Variants in CCDC170 observed in about 807,000 individuals in gnomAD.
CCDC170 encodes the protein coiled-coil domain containing 170.
A neutral mutation model predicts 72.6 loss-of-function variants in CCDC170; 69 were observed. The ratio of observed to expected loss-of-function variants is 0.95; its 90% CI spans 0.78 to 1.16. The LOEUF (loss-of-function observed/expected upper bound fraction) is 1.16. CCDC170 is among the 50% of genes most tolerant of loss of function. The pLI is 0.00. For synonymous variants in CCDC170, 300 were observed against 303.9 expected, an observed-to-expected ratio of 0.99 and a Z score of 0.13; for missense variants, 852 against 832.5, an observed-to-expected ratio of 1.02 and a Z score of -0.29.
At chr6:151,533,561 G>A (rs1782527700) in intron 1 of CCDC170, among the ~76,000 whole-genome samples, 1 of 151,806 alleles carries the variant, frequency 6.6e-6, no homozygotes, top group African/African-American at 2.4e-5. Context: ...CAGCTATTCG[G>A]GAGGCTGAGG....
chr6:151,600,183 C>G (rs528857784), intron 9 of CCDC170, among the ~76,000 whole-genome samples: 2 of 152,258 alleles, frequency 1.3e-5, no homozygotes, highest in East Asian at 1.9e-4. Context: ...TGATACAAAT[C>G]CAAAATATCA....
At chr6:151,543,450 G>A (rs550485316) in intron 3 of CCDC170, among the ~76,000 whole-genome samples, 1 of 151,964 alleles carries the variant, frequency 6.6e-6, no homozygotes, top group East Asian at 1.9e-4. Flanking sequence ...CTTTTTTTGT[G>A]TGTGAACATT....
chr6:151,548,289 T>C lies in CCDC170; in HGVS notation c.589-15T>C, dbSNP rs1046098357. On this transcript the variant is annotated splice_polypyrimidine_tract_variant and intron_variant, in intron 4 of 10. Coordinates refer to ENST00000239374, the MANE Select transcript of CCDC170 (RefSeq NM_025059.4). ...GTTAATTTTTATAGGACAGCTGTAA[T>C]TGCTTTCTCTTCAGCTTAGAGACCT... is the stretch of plus-strand genomic sequence containing the variant. The C allele has an allele frequency of 1.9e-5, 29 of 1,528,894 alleles. No homozygotes were observed. Among genetic ancestry groups the C allele is most frequent in the Non-Finnish European group, 2.5e-5 (28 of 1,134,130 alleles). The allele number at this position is 1,528,894 out of a possible 1,614,324, so 94.7% of individuals were successfully genotyped here.
Position 151,585,892 on chromosome 6 carries a change from G to A in CCDC170, c.1096G>A (p.Val366Ile), listed in dbSNP as rs41290243. ...TGATCTGTTTCTTTGTTTCCAGATG[G>A]TCTCCCAGCTTGAAGCCCAAATATC... ...DSREESRDRM[V>I]SQLEAQISEL... The change falls in exon 7 of 11, where the codon GTC becomes ATC. Residue 366 changes from valine (V) to isoleucine (I), a missense_variant. Physicochemically the swap from Val to Ile is conservative, Grantham distance 29. Transcript: ENST00000239374. The A allele has an allele frequency of 0.029, 47,316 of 1,612,896 alleles. 834 individuals are homozygous for A. The highest frequency in any genetic ancestry group is 0.035 in the Non-Finnish European group (41,136 of 1,179,354).
intron 4 of CCDC170, among the ~76,000 whole-genome samples, chr6:151,545,956 T>A (rs569110607): frequency 6.6e-6 from 1 of 152,124 alleles, no homozygotes; most frequent in Admixed American, 6.5e-5. Context: ...TTTTTTTTTT[T>A]AAATGGAGAT....
In CCDC170 at chr6:151,595,562, T is replaced by A. The variant is rs567064891; in HGVS notation, c.1468-773T>A. On this transcript the variant is annotated intron_variant, in intron 8 of 10. Transcript: ENST00000239374. ...CAGGTGTGGTGGCTTACACCTGTAA[T>A]CCCAGCACTTTTGGAGGCTGAGGCA... 2.4e-3 allele frequency among the ~76,000 whole-genome samples: 365 copies of A among 152,276 alleles called. 4 individuals are homozygous for A. Among genetic ancestry groups the A allele is most frequent in the African/African-American group, 8.6e-3 (356 of 41,566 alleles).
intron 1 of CCDC170, among the ~76,000 whole-genome samples, chr6:151,495,176 C>T (rs1257225815): frequency 6.6e-6 from 1 of 152,188 alleles, no homozygotes; most frequent in African/African-American, 2.4e-5. Flanking sequence ...TGTTGTTTTA[C>T]ATCTGACCTG....
chr6:151,508,024 C>T (rs1243803652), intron 1 of CCDC170, among the ~76,000 whole-genome samples: 1 of 152,102 alleles, frequency 6.6e-6, no homozygotes, highest in African/African-American at 2.4e-5. Context: ...AAGTTGTTTG[C>T]TCCTCTTCCT....
intron 1 of CCDC170, among the ~76,000 whole-genome samples, chr6:151,524,543 A>G (rs979549236): frequency 3.9e-5 from 6 of 152,198 alleles, no homozygotes; most frequent in Non-Finnish European, 8.8e-5. Context: ...CTTTTAAAAC[A>G]TGCTTCCAGT....
intron 1 of CCDC170, among the ~76,000 whole-genome samples, chr6:151,533,052 C>CTTTTTTTTT (rs58383930): frequency 8.5e-6 from 1 of 118,042 alleles, no homozygotes; most frequent in Non-Finnish European, 1.8e-5. Flanking sequence ...GACTATTTCT[C>CTTTTTTTTT]TTTTTTTTTT....
chr6:151,581,389 C>T (rs80118812), intron 6 of CCDC170, among the ~76,000 whole-genome samples: 3,756 of 152,262 alleles, frequency 0.025, 77 homozygotes, highest in Non-Finnish European at 0.04. Context: ...ATTTTCTTTG[C>T]TCATCCATGA....
At chr6:151,560,631 T>C (rs1294374173) in intron 5 of CCDC170, among the ~76,000 whole-genome samples, 1 of 152,182 alleles carries the variant, frequency 6.6e-6, no homozygotes, top group Admixed American at 6.5e-5. Context: ...ATTTTATAAA[T>C]CTGGGTGCTC....
chr6:151,519,364 C>T (rs896618151), intron 1 of CCDC170, among the ~76,000 whole-genome samples: 12 of 152,282 alleles, frequency 7.9e-5, no homozygotes, highest in Middle Eastern at 3.4e-3. Flanking sequence ...TGCCCGACCC[C>T]GCAGGCAGTC....
intron 5 of CCDC170, among the ~76,000 whole-genome samples, chr6:151,561,815 G>A (rs1278318106): frequency 6.6e-6 from 1 of 152,012 alleles, no homozygotes; most frequent in Non-Finnish European, 1.5e-5. Flanking sequence ...TTTCCAAATT[G>A]TATACTACTT....
chr6:151,539,790 C>T (rs759840311), intron 3 of CCDC170, among the ~76,000 whole-genome samples: 4 of 152,166 alleles, frequency 2.6e-5, no homozygotes, highest in Admixed American at 6.5e-5. Context: ...GTGTCCAAAA[C>T]GGAGCTCCCA....
intron 3 of CCDC170, among the ~76,000 whole-genome samples, chr6:151,539,483 G>GT (rs1252264549): frequency 6.6e-6 from 1 of 152,074 alleles, no homozygotes; most frequent in East Asian, 1.9e-4. Context: ...ACATGCCTAG[G>GT]TTTTTTCTTT....
intron 5 of CCDC170, among the ~76,000 whole-genome samples, chr6:151,559,291 C>CAT (rs945739333): frequency 1.3e-5 from 2 of 152,148 alleles, no homozygotes; most frequent in African/African-American, 4.8e-5. Context: ...AGATTACAGG[C>CAT]ATAAGCCACT....
intron 9 of CCDC170, among the ~76,000 whole-genome samples, chr6:151,613,432 G>A (rs1776906941): frequency 6.6e-6 from 1 of 152,142 alleles, no homozygotes; most frequent in African/African-American, 2.4e-5. Context: ...GTGATTTTTA[G>A]TATATGCACA....
In CCDC170 at chr6:151,497,821, C is replaced by T. The variant is rs148467875; in HGVS notation, c.57+3636C>T. ...TAAAACCCCGTCTGTACTAAAAATACAAAAAGTAGCCAGGCTTGGTGGCAG... is the reference window on the plus strand; with the variant it reads ...TAAAACCCCGTCTGTACTAAAAATATAAAAAGTAGCCAGGCTTGGTGGCAG... On this transcript the variant is annotated intron_variant, in intron 1 of 10. Coordinates refer to ENST00000239374, the MANE Select transcript of CCDC170 (RefSeq NM_025059.4). 4.2e-3 allele frequency among the ~76,000 whole-genome samples: 642 copies of T among 151,780 alleles called. 6 individuals carry two copies. The highest frequency in any genetic ancestry group is 0.015 in the African/African-American group (619 of 41,390).
Sources: gnomAD v4.1 joint callset for allele counts (sites outside exome capture counted in the v4.1 genomes callset) on GRCh38, gnomAD v4.1.1 for gene constraint, MANE v1.5 for transcripts, NCBI Gene and HGNC (gene_info 2026-07-23, HGNC 2026-07-21) for gene names.